The following ATP6V1C1 variants were observed in gnomAD, a reference collection of about 807,000 sequenced individuals.
ATP6V1C1 encodes V-type proton ATPase subunit C 1.
In ATP6V1C1, 45 loss-of-function variants were observed where a neutral mutation model predicts 53.9. The ratio of observed to expected loss-of-function variants is 0.83; its 90% confidence interval spans 0.66 to 1.07. ATP6V1C1 has a LOEUF of 1.07. Among genes scored for constraint, ATP6V1C1 ranks in the 50% least tolerant of loss-of-function variants. The pLI, the probability that ATP6V1C1 is intolerant of heterozygous loss-of-function variation, is 0.00. For missense variants in ATP6V1C1, 315 were observed against 440.3 expected, an observed-to-expected ratio of 0.72 and a Z score of 2.55; for synonymous variants, 153 against 155.2, an observed-to-expected ratio of 0.99 and a Z score of 0.11.
intron 1 of ATP6V1C1, among the ~76,000 whole-genome samples, chr8:103,037,139 T>A (rs896569404): frequency 6.6e-6 from 1 of 152,098 alleles, no homozygotes; most frequent in African/African-American, 2.4e-5. Flanking sequence ...ATCCAGGTGT[T>A]GTGAAGAACA....
intron 3 of ATP6V1C1, among the ~76,000 whole-genome samples, chr8:103,043,559 C>T (rs910090799): frequency 1.3e-5 from 2 of 151,956 alleles, no homozygotes; most frequent in African/African-American, 2.4e-5. Context: ...TCTCAAACCC[C>T]TGACCTCGTG....
At chr8:103,057,870 A>G (rs931854902) in intron 8 of ATP6V1C1, among the ~76,000 whole-genome samples, 3 of 151,920 alleles carry the variant, frequency 2.0e-5, no homozygotes, top group African/African-American at 7.3e-5. Context: ...CCTTCATACC[A>G]GCTCTTCACA....
At chr8:103,045,369 A>T (rs932323636) in intron 3 of ATP6V1C1, among the ~76,000 whole-genome samples, 2 of 152,158 alleles carry the variant, frequency 1.3e-5, no homozygotes, top group Non-Finnish European at 2.9e-5. Context: ...GGATGTATTG[A>T]TGTTCTTTAA....
At chr8:103,034,384 T>G (rs750022021) in intron 1 of ATP6V1C1, among the ~76,000 whole-genome samples, 1 of 152,174 alleles carries the variant, frequency 6.6e-6, no homozygotes, top group Non-Finnish European at 1.5e-5. Flanking sequence ...GGTGTCAGGT[T>G]CTTGGCAAGT....
intron 1 of ATP6V1C1, among the ~76,000 whole-genome samples, chr8:103,029,771 C>A (rs1011418894): frequency 1.1e-4 from 16 of 149,570 alleles, no homozygotes; most frequent in African/African-American, 3.5e-4. Flanking sequence ...CTTGCTTTGT[C>A]GCCCAGGCTG....
intron 3 of ATP6V1C1, among the ~76,000 whole-genome samples, chr8:103,047,884 TTCTC>T (rs993299216): frequency 1.3e-5 from 2 of 152,206 alleles, no homozygotes; most frequent in East Asian, 3.8e-4. Flanking sequence ...CCTTTTTCCT[TTCTC>T]TCTCTCTGTC....
At chr8:103,028,363 T>G (rs1310682689) in intron 1 of ATP6V1C1, among the ~76,000 whole-genome samples, 1 of 152,156 alleles carries the variant, frequency 6.6e-6, no homozygotes, top group Non-Finnish European at 1.5e-5. Context: ...CAGTGAAGAT[T>G]GGCAGATTTG....
intron 1 of ATP6V1C1, among the ~76,000 whole-genome samples, chr8:103,033,526 C>T (rs1816834644): frequency 6.6e-6 from 1 of 152,120 alleles, no homozygotes; most frequent in Non-Finnish European, 1.5e-5. Flanking sequence ...TGAGCAAAAA[C>T]TATCATGATT....
chr8:103,028,291 G>C (rs1030339035), intron 1 of ATP6V1C1, among the ~76,000 whole-genome samples: 27 of 152,292 alleles, frequency 1.8e-4, no homozygotes, highest in African/African-American at 6.3e-4. Context: ...TGGATAAAGA[G>C]AGCTCAGGAG....
chr8:103,067,865 G>A (rs867133796), intron 12 of ATP6V1C1, among the ~76,000 whole-genome samples: 3 of 152,108 alleles, frequency 2.0e-5, no homozygotes, highest in African/African-American at 4.8e-5. Flanking sequence ...GATTACAGGC[G>A]TGAGCCACCT....
chr8:103,029,739 T>A (rs189770774), intron 1 of ATP6V1C1, among the ~76,000 whole-genome samples: 1,561 of 149,494 alleles, frequency 0.01, 11 homozygotes, highest in Non-Finnish European at 0.016. Context: ...TTAAAAAAAA[T>A]TTTTTTTTTT....
intron 8 of ATP6V1C1, among the ~76,000 whole-genome samples, chr8:103,059,250 A>G (rs1817349373): frequency 6.6e-6 from 1 of 152,122 alleles, no homozygotes; most frequent in Non-Finnish European, 1.5e-5. Flanking sequence ...TGTCAGTACC[A>G]CTTCAACCAC....
chr8:103,063,089 G>C (rs1226492491), intron 9 of ATP6V1C1, 42 bp downstream of exon 9: 1 of 1,609,460 alleles, frequency 6.2e-7, no homozygotes, highest in Admixed American at 1.7e-5. Context: ...TGTTAGATCA[G>C]CTGTATACAA....
At chr8:103,055,960 C>T (rs1817283824) in intron 8 of ATP6V1C1, 24 bp downstream of exon 8, 1 of 1,598,664 alleles carries the variant, frequency 6.3e-7, no homozygotes. Flanking sequence ...TTTGTAAAAC[C>T]ATTTGTTTCC....
Position 103,040,882 on chromosome 8 carries a change from C to T in ATP6V1C1, c.46C>T (p.Gln16Ter). The T allele has an allele frequency of 6.2e-7, 1 of 1,614,052 alleles. No individual in the cohort carries two copies. Among genetic ancestry groups the T allele is most frequent in the Non-Finnish European group, 8.5e-7 (1 of 1,179,970 alleles). ...ATCTGCTCCTGGGGAGAAAACCTGT[C>T]AGCAAACATGGGAGAAATTGCATGC... ...LISAPGEKTC[Q>*]QTWEKLHAAT... Residue 16 changes from glutamine to a stop codon, truncating the protein, a stop_gained, in exon 2 of 13, where the codon CAG (glutamine) becomes TAG (stop). Transcript: ENST00000518738. LOFTEE classifies it high-confidence loss of function.
chr8:103,041,665 A>G (rs1319741547), intron 2 of ATP6V1C1, among the ~76,000 whole-genome samples: 3 of 152,188 alleles, frequency 2.0e-5, no homozygotes, highest in African/African-American at 7.2e-5. Context: ...TGAGGTCAGG[A>G]GTTTGAGACC....
At chr8:103,050,680 T>C (rs962650650) in intron 4 of ATP6V1C1, among the ~76,000 whole-genome samples, 4 of 152,030 alleles carry the variant, frequency 2.6e-5, no homozygotes, top group Admixed American at 2.6e-4. Flanking sequence ...TTGGGTAAGT[T>C]ATCAAAGAAA....
intron 3 of ATP6V1C1, among the ~76,000 whole-genome samples, chr8:103,045,760 T>C (rs890828888): frequency 6.6e-6 from 1 of 152,052 alleles, no homozygotes; most frequent in African/African-American, 2.4e-5. Flanking sequence ...GCTAACACGA[T>C]GAAACCCCGT....
chr8:103,063,098 A>G lies in ATP6V1C1; in HGVS notation c.735-37A>G, dbSNP rs756058476. 3 of 1,610,606 alleles carry G rather than the reference A, an allele frequency of 1.9e-6. No homozygotes were observed. In the Admixed American group the frequency reaches 5.0e-5, roughly 27 times the overall value. ...TTACTTTGTTAGATCAGCTGTATAC[A>G]ATGTGAACAATTTTGTTTTTTTTCC... is the stretch of plus-strand genomic sequence containing the variant. On this transcript the variant is annotated intron_variant, in intron 9 of 12. Transcript: ENST00000518738.
Sources: allele counts gnomAD v4.1 joint callset (sites outside exome capture counted in the v4.1 genomes callset), GRCh38; gene constraint gnomAD v4.1.1; transcripts MANE v1.5; gene names NCBI Gene and HGNC (gene_info 2026-07-23, HGNC 2026-07-21).